Variants in CCDC12 observed in about 807,000 individuals in gnomAD.
CCDC12 encodes the protein coiled-coil domain containing 12.
CCDC12 carries 28 observed loss-of-function variants against 25.7 expected under a neutral mutation model. The ratio of observed to expected loss-of-function variants is 1.09; its 90% CI spans 0.81 to 1.50. CCDC12 has a LOEUF of 1.50. CCDC12 is among the 40% of genes most tolerant of loss of function. The pLI, the probability that CCDC12 is intolerant of heterozygous loss-of-function variation, is 0.00. For synonymous variants in CCDC12, 75 were observed against 87.7 expected, an observed-to-expected ratio of 0.86 and a Z score of 0.81; for missense variants, 198 against 210.0, an observed-to-expected ratio of 0.94 and a Z score of 0.35.
At position 46,922,265 on chromosome 3, in the gene CCDC12, C is replaced by T. The variant is rs146091475; in HGVS notation, c.389G>A (p.Arg130Gln). ...CAGCTCGGCAATGGCCCTCTGAGTC[C>T]GCTTTTTTAGTTTCTCCAGCTTCTT... ...VAKKLEKLKK[R>Q]TQRAIAELIR... is the part of the protein sequence containing the mutation. The change falls in exon 6 of 7, where the codon CGG becomes CAG. Residue 130 changes from arginine (R) to glutamine (Q), a missense_variant. By Grantham distance (43) the Arg-to-Gln change is conservative (BLOSUM62 1). Coordinates refer to ENST00000683445, the MANE Select transcript of CCDC12 (RefSeq NM_001277074.2). 395 of 1,614,158 alleles carry T rather than the reference C, an allele frequency of 2.4e-4. No homozygotes were observed. The highest frequency in any genetic ancestry group is 3.2e-4 in the Non-Finnish European group (383 of 1,180,060).
intron 1 of CCDC12, among the ~76,000 whole-genome samples, chr3:46,947,585 T>A (rs2033956349): frequency 6.6e-6 from 1 of 152,210 alleles, no homozygotes; most frequent in Non-Finnish European, 1.5e-5. Context: ...CTGCTTCTCC[T>A]GGGCAGGCTG....
chr3:46,963,462 G>T (rs956675636), intron 1 of CCDC12, among the ~76,000 whole-genome samples: 1 of 124,552 alleles, frequency 8.0e-6, no homozygotes, highest in Non-Finnish European at 1.7e-5. Context: ...CCTCTCCCAC[G>T]GTTTCCCTCT....
At chr3:46,972,710 G>A (rs1318824228) in intron 1 of CCDC12, among the ~76,000 whole-genome samples, 2 of 150,910 alleles carry the variant, frequency 1.3e-5, no homozygotes, top group Non-Finnish European at 2.9e-5. Context: ...AAGGCAGGAG[G>A]ATCACTTGAA....
At chr3:46,974,324 G>T (rs892341727) in intron 1 of CCDC12, among the ~76,000 whole-genome samples, 1 of 152,148 alleles carries the variant, frequency 6.6e-6, no homozygotes. Flanking sequence ...TTAAAACATA[G>T]AAAAAATAAC....
intron 1 of CCDC12, among the ~76,000 whole-genome samples, chr3:46,961,918 G>A (rs542686122): frequency 6.6e-6 from 1 of 152,174 alleles, no homozygotes; most frequent in South Asian, 2.1e-4. Flanking sequence ...TACCCATATG[G>A]GGAGAAAAAG....
upstream of CCDC12, among the ~76,000 whole-genome samples, chr3:46,981,707 G>A (rs1184063401): frequency 6.6e-6 from 1 of 152,174 alleles, no homozygotes; most frequent in Middle Eastern, 3.2e-3. Context: ...GGCAGGTAAA[G>A]GGGGCTTAAA....
chr3:46,930,735 C>T (rs1274334362), intron 2 of CCDC12, among the ~76,000 whole-genome samples: 3 of 152,204 alleles, frequency 2.0e-5, no homozygotes, highest in Non-Finnish European at 2.9e-5. Context: ...CACACTTCCC[C>T]GTCCATCACG....
intron 1 of CCDC12, among the ~76,000 whole-genome samples, chr3:46,959,437 G>C (rs1378644400): frequency 1.3e-5 from 2 of 152,176 alleles, no homozygotes; most frequent in African/African-American, 4.8e-5. Context: ...GTCAGTAGGC[G>C]CCAACCACAG....
intron 2 of CCDC12, among the ~76,000 whole-genome samples, chr3:46,936,153 G>T (rs1162206960): frequency 6.6e-6 from 1 of 152,166 alleles, no homozygotes; most frequent in African/African-American, 2.4e-5. Flanking sequence ...AGTGTATCTG[G>T]TTAGACAAAT....
intron 1 of CCDC12, among the ~76,000 whole-genome samples, chr3:46,946,694 G>C (rs2033919779): frequency 6.6e-6 from 1 of 152,252 alleles, no homozygotes; most frequent in Admixed American, 6.5e-5. Context: ...GGGAAGACCA[G>C]AAGTCAGGTG....
At chr3:46,943,855 T>C (rs1368891976) in intron 1 of CCDC12, among the ~76,000 whole-genome samples, 1 of 152,090 alleles carries the variant, frequency 6.6e-6, no homozygotes, top group Admixed American at 6.5e-5. Context: ...TCAAAAAAGA[T>C]AAAGATCCAC....
At chr3:46,946,354 C>T (rs1208531643) in intron 1 of CCDC12, among the ~76,000 whole-genome samples, 1 of 152,248 alleles carries the variant, frequency 6.6e-6, no homozygotes, top group Non-Finnish European at 1.5e-5. Flanking sequence ...ATCTTGTACA[C>T]TTAGGGAATT....
intron 1 of CCDC12, among the ~76,000 whole-genome samples, chr3:46,969,507 A>G (rs2034737800): frequency 6.6e-6 from 1 of 152,170 alleles, no homozygotes; most frequent in South Asian, 2.1e-4. Flanking sequence ...TACTGGGATT[A>G]CAGGCGTGAG....
intron 1 of CCDC12, among the ~76,000 whole-genome samples, chr3:46,945,588 T>C (rs988880747): frequency 1.3e-4 from 20 of 152,242 alleles, no homozygotes; most frequent in African/African-American, 4.3e-4. Context: ...CAAATAAAAT[T>C]AGAGCTGTGC....
At chr3:46,979,930 C>A (rs544292799), upstream of CCDC12, 1 of 371,362 alleles carries the variant, frequency 2.7e-6, no homozygotes, top group East Asian at 4.2e-5. Flanking sequence ...CGCCCCGCCC[C>A]GCGCCCGCAC....
At chr3:46,962,569 A>G (rs2034495999) in intron 1 of CCDC12, among the ~76,000 whole-genome samples, 1 of 152,214 alleles carries the variant, frequency 6.6e-6, no homozygotes, top group African/African-American at 2.4e-5. Flanking sequence ...TAGGAAAAAC[A>G]GGCAACTGAA....
chr3:46,925,326 C>T (rs1472421636), intron 3 of CCDC12, 130 bp downstream of exon 3: 2 of 786,616 alleles, frequency 2.5e-6, no homozygotes, highest in Non-Finnish European at 4.5e-6. Context: ...GAGATGGTAA[C>T]AAAGGGTCCT....
intron 1 of CCDC12, among the ~76,000 whole-genome samples, chr3:46,975,844 T>TA (rs1210443786): frequency 2.1e-5 from 1 of 48,306 alleles, no homozygotes; most frequent in Non-Finnish European, 5.1e-5. Context: ...ATTTTCGATT[T>TA]TTTTTTTTTT....
chr3:46,973,213 C>T (rs1204409372), intron 1 of CCDC12, among the ~76,000 whole-genome samples: 4 of 151,872 alleles, frequency 2.6e-5, no homozygotes, highest in African/African-American at 7.3e-5. Flanking sequence ...ATTAGCTGGG[C>T]GTGGTGGCAT....
Sources: allele counts gnomAD v4.1 joint callset (sites outside exome capture counted in the v4.1 genomes callset), GRCh38; gene constraint gnomAD v4.1.1; transcripts MANE v1.5; gene names NCBI Gene and HGNC (gene_info 2026-07-23, HGNC 2026-07-21).